The following KCNQ5 variants were observed in gnomAD, a reference collection of about 807,000 sequenced individuals.
KCNQ5 encodes potassium voltage-gated channel subfamily Q member 5.
KCNQ5 carries 30 observed loss-of-function variants against 98.2 expected under a neutral mutation model. The observed-to-expected ratio is 0.31, with a 90% CI of 0.23 to 0.41. KCNQ5 has a LOEUF of 0.41. Ranked by LOEUF, KCNQ5 falls within the 10% of genes least tolerant of loss-of-function variation. The pLI, the probability that KCNQ5 is intolerant of heterozygous loss-of-function variation, is 1.00. For missense variants in KCNQ5, 835 were observed against 1,182.5 expected, an observed-to-expected ratio of 0.71 and a Z score of 4.31; for synonymous variants, 458 against 449.4, an observed-to-expected ratio of 1.02 and a Z score of -0.24.
chr6:72,846,363 C>T (rs1777021204), intron 1 of KCNQ5, among the ~76,000 whole-genome samples: 1 of 152,064 alleles, frequency 6.6e-6, no homozygotes, highest in Non-Finnish European at 1.5e-5. Flanking sequence ...AGCCTAATGG[C>T]TTCATAGTCT....
intron 1 of KCNQ5, among the ~76,000 whole-genome samples, chr6:72,972,387 A>G (rs889298531): frequency 6.6e-6 from 1 of 152,046 alleles, no homozygotes; most frequent in African/African-American, 2.4e-5. Context: ...TCTTCTGAAA[A>G]AACAAATGGA....
intron 8 of KCNQ5, among the ~76,000 whole-genome samples, chr6:73,121,484 G>C (rs889008646): frequency 2.6e-5 from 4 of 152,184 alleles, no homozygotes; most frequent in East Asian, 1.9e-4. Context: ...AAGGCTTTCT[G>C]TGAGTCACCC....
rs565608195 is a variant in KCNQ5, at chr6:72,689,412, G to A, written c.398+66825G>A. Reference sequence around the variant, plus strand: ...CCTAACTCATCCAAAGTGGTCATTTGTCCAAGGGGGACTAGATGAGACAGC... The same window carrying A: ...CCTAACTCATCCAAAGTGGTCATTTATCCAAGGGGGACTAGATGAGACAGC... On this transcript the variant is annotated intron_variant, in intron 1 of 13. Transcript: ENST00000370398. Among the ~76,000 whole-genome samples the A allele has an allele frequency of 2.2e-3, 340 of 152,346 alleles. 2 individuals are homozygous for A. Among genetic ancestry groups the A allele is most frequent in the Non-Finnish European group, 3.9e-3 (267 of 68,022 alleles).
chr6:72,888,376 C>T (rs1470030279), intron 1 of KCNQ5, among the ~76,000 whole-genome samples: 3 of 152,108 alleles, frequency 2.0e-5, no homozygotes, highest in Non-Finnish European at 4.4e-5. Context: ...TTTAATATGA[C>T]GCTGTGCACA....
chr6:72,988,469 G>A (rs1285014958), intron 1 of KCNQ5, among the ~76,000 whole-genome samples: 3 of 151,984 alleles, frequency 2.0e-5, no homozygotes, highest in Admixed American at 1.3e-4. Context: ...ACCCACGGTC[G>A]TAAACATGGG....
intron 1 of KCNQ5, among the ~76,000 whole-genome samples, chr6:72,945,283 A>C (rs1766484880): frequency 6.6e-6 from 1 of 151,946 alleles, no homozygotes; most frequent in African/African-American, 2.4e-5. Context: ...TTTAAGTTTT[A>C]GGGTACATGT....
chr6:73,055,151 G>A, intron 3 of KCNQ5: 1 of 791,818 alleles, frequency 1.3e-6, no homozygotes, highest in Non-Finnish European at 2.3e-6. Flanking sequence ...GTGGAACCTG[G>A]AGAACCACTT....
chr6:73,167,138 G>T (rs1354721148), intron 10 of KCNQ5, among the ~76,000 whole-genome samples: 1 of 152,192 alleles, frequency 6.6e-6, no homozygotes, highest in African/African-American at 2.4e-5. Context: ...GGGCTAAAAA[G>T]ACTGTGTTGT....
intron 3 of KCNQ5, chr6:73,055,826 T>A (rs1772462778): frequency 1.3e-6 from 1 of 761,532 alleles, no homozygotes; most frequent in South Asian, 1.3e-5. Flanking sequence ...GCCATGGAAG[T>A]TGTGGCTGCC....
chr6:72,755,539 CA>C (rs1191227898), intron 1 of KCNQ5, among the ~76,000 whole-genome samples: 2 of 152,078 alleles, frequency 1.3e-5, no homozygotes, highest in East Asian at 3.8e-4. Flanking sequence ...CTGGTATTTA[CA>C]GTAAATATCT....
At chr6:73,053,018 C>T (rs1030073074) in intron 3 of KCNQ5, among the ~76,000 whole-genome samples, 23 of 152,054 alleles carry the variant, frequency 1.5e-4, no homozygotes, top group African/African-American at 5.3e-4. Flanking sequence ...CATGCAGTGA[C>T]ACACATAGGA....
chr6:72,891,659 T>A (rs1779062953), intron 1 of KCNQ5, among the ~76,000 whole-genome samples: 1 of 152,212 alleles, frequency 6.6e-6, no homozygotes, highest in African/African-American at 2.4e-5. Context: ...TGCACCGATG[T>A]TAGAATTCAG....
intron 1 of KCNQ5, among the ~76,000 whole-genome samples, chr6:72,684,801 G>A (rs1307346222): frequency 6.6e-6 from 1 of 152,058 alleles, no homozygotes; most frequent in African/African-American, 2.4e-5. Flanking sequence ...TAATAATGCT[G>A]GCATATGATA....
At chr6:72,685,672 C>T (rs558842027) in intron 1 of KCNQ5, among the ~76,000 whole-genome samples, 2 of 152,264 alleles carry the variant, frequency 1.3e-5, no homozygotes, top group African/African-American at 4.8e-5. Context: ...TCATAGTATA[C>T]AGAATTCCAT....
At chr6:72,948,861 G>A (rs9342990) in intron 1 of KCNQ5, among the ~76,000 whole-genome samples, 22,495 of 152,044 alleles carry the variant, frequency 0.15, 1,829 homozygotes, top group East Asian at 0.25. Context: ...TAGGATAGGA[G>A]GGAAGCATAT....
chr6:72,949,085 AC>A (rs1172505814), intron 1 of KCNQ5, among the ~76,000 whole-genome samples: 58 of 152,188 alleles, frequency 3.8e-4, no homozygotes, highest in African/African-American at 1.4e-3. Context: ...CTTATTTTTA[AC>A]TCATTAAAAT....
At chr6:72,936,080 C>T (rs542968123) in intron 1 of KCNQ5, among the ~76,000 whole-genome samples, 1 of 152,284 alleles carries the variant, frequency 6.6e-6, no homozygotes, top group South Asian at 2.1e-4. Flanking sequence ...CTCTGATCTC[C>T]AGACTCCCAA....
intron 1 of KCNQ5, among the ~76,000 whole-genome samples, chr6:72,739,276 A>T (rs1326793400): frequency 6.6e-6 from 1 of 152,216 alleles, no homozygotes; most frequent in African/African-American, 2.4e-5. Flanking sequence ...TGCAAAAAGG[A>T]TATAATTGTG....
intron 3 of KCNQ5, among the ~76,000 whole-genome samples, chr6:73,070,225 T>C (rs944003247): frequency 1.3e-5 from 2 of 152,168 alleles, no homozygotes; most frequent in African/African-American, 4.8e-5. Flanking sequence ...AGAATAACAT[T>C]TGTGTCACAC....
Sources: allele counts gnomAD v4.1 joint callset (sites outside exome capture counted in the v4.1 genomes callset), GRCh38; gene constraint gnomAD v4.1.1; transcripts MANE v1.5; gene names NCBI Gene and HGNC (gene_info 2026-07-23, HGNC 2026-07-21).